The following BCAR3 variants were observed in gnomAD, a reference collection of about 807,000 sequenced individuals.
BCAR3 encodes BCAR3 adaptor protein, NSP family member, also known as breast cancer anti-estrogen resistance protein 3.
A neutral mutation model predicts 80.1 loss-of-function variants in BCAR3; 37 were observed. That is an observed-to-expected ratio of 0.46 (90% CI 0.36 to 0.61). The LOEUF (loss-of-function observed/expected upper bound fraction) is 0.61. Ranked by LOEUF, BCAR3 falls within the 20% of genes least tolerant of loss-of-function variation. The pLI, the probability that BCAR3 is intolerant of heterozygous loss-of-function variation, is 0.00. For missense variants in BCAR3, 978 were observed against 1,068.2 expected, an observed-to-expected ratio of 0.92 and a Z score of 1.18; for synonymous variants, 389 against 418.9, an observed-to-expected ratio of 0.93 and a Z score of 0.87.
intron 3 of BCAR3, among the ~76,000 whole-genome samples, chr1:93,640,389 T>G (rs1675940612): frequency 6.6e-6 from 1 of 150,756 alleles, no homozygotes; most frequent in African/African-American, 2.4e-5. Flanking sequence ...TCCCAAACCA[T>G]CCCTCTAAAC....
intron 2 of BCAR3, among the ~76,000 whole-genome samples, chr1:93,799,065 C>T (rs1488351310): frequency 6.6e-6 from 1 of 152,170 alleles, no homozygotes; most frequent in Non-Finnish European, 1.5e-5. Flanking sequence ...GAATGAAGTA[C>T]ATATATAGTC....
chr1:93,582,966 A>C lies in BCAR3; in HGVS notation c.1034-13T>G. On this transcript the variant is annotated splice_polypyrimidine_tract_variant and intron_variant, in intron 6 of 11. Transcript: ENST00000260502. ...GGCAGCTTGCAGCCTGTGGGGGATAAGAAAAGGTCAGAGAAAGCTCATCTG... is the reference window on the plus strand; with the variant it reads ...GGCAGCTTGCAGCCTGTGGGGGATACGAAAAGGTCAGAGAAAGCTCATCTG... 6.4e-7 allele frequency: 1 copy of C among 1,569,652 alleles called. No individual in the cohort carries two copies. The highest frequency in any genetic ancestry group is 8.6e-7 in the Non-Finnish European group (1 of 1,162,666).
intron 2 of BCAR3, among the ~76,000 whole-genome samples, chr1:93,717,569 A>C (rs1201567273): frequency 6.6e-6 from 1 of 152,024 alleles, no homozygotes; most frequent in Non-Finnish European, 1.5e-5. Flanking sequence ...TACTAAAAAT[A>C]CAAAAAAAAT....
chr1:93,589,081 C>A lies in BCAR3; in HGVS notation c.825G>T (p.Glu275Asp). The A allele has an allele frequency of 6.2e-7, 1 of 1,612,556 alleles. No individual in the cohort carries two copies. The highest frequency in any genetic ancestry group is 1.7e-4 in the Middle Eastern group (1 of 5,992). The change falls in exon 5 of 12, where the codon GAG (glutamate) becomes GAT (aspartate). Residue 275 changes from glutamate (E) to aspartate (D), a missense_variant. By Grantham distance (45) the Glu-to-Asp change is conservative (BLOSUM62 2). Coordinates refer to ENST00000260502, the MANE Select transcript of BCAR3 (RefSeq NM_003567.4). The stretch of plus-strand genomic sequence containing the variant: ...CCGGCCTTCCCTTGGTGAGGCTGCC[C>A]TCCCGGGCCTGGCCTGGGGAGGTGC... ...HYGTSPGQAR[E>D]GSLTKGRPDV...
intron 1 of BCAR3, among the ~76,000 whole-genome samples, chr1:93,679,482 A>G (rs755336432): frequency 1.3e-5 from 2 of 152,260 alleles, no homozygotes; most frequent in African/African-American, 2.4e-5. Flanking sequence ...AAGTGAGCCT[A>G]CATGCAGTCT....
chr1:93,830,657 G>A (rs937079600), intron 2 of BCAR3, among the ~76,000 whole-genome samples: 4 of 151,832 alleles, frequency 2.6e-5, no homozygotes, highest in Non-Finnish European at 4.4e-5. Context: ...CTCTCTTTTC[G>A]GACTCAGCCC....
intron 2 of BCAR3, among the ~76,000 whole-genome samples, chr1:93,657,359 A>G: frequency 6.6e-6 from 1 of 152,244 alleles, no homozygotes; most frequent in East Asian, 1.9e-4. Context: ...GTTTTACTAT[A>G]TAGCAAATTC....
chr1:93,673,879 C>G (rs1321943408), intron 2 of BCAR3, among the ~76,000 whole-genome samples: 1 of 152,162 alleles, frequency 6.6e-6, no homozygotes, highest in South Asian at 2.1e-4. Flanking sequence ...AGTGGATGGA[C>G]ATAGTTCAGA....
intron 3 of BCAR3, among the ~76,000 whole-genome samples, chr1:93,639,457 G>A (rs1429053467): frequency 6.6e-6 from 1 of 150,896 alleles, no homozygotes; most frequent in Non-Finnish European, 1.5e-5. Flanking sequence ...GAAAGTCTCC[G>A]ATGGGGAGGG....
chr1:93,565,925 C>A (rs578011602), intron 11 of BCAR3, among the ~76,000 whole-genome samples: 54 of 152,196 alleles, frequency 3.5e-4, no homozygotes, highest in Non-Finnish European at 7.3e-4. Flanking sequence ...GGAAAATAGT[C>A]ATCCTTGATG....
rs991195072 is a variant in BCAR3, at chr1:93,740,622, A to G, written c.-62-34480T>C. 6.6e-5 allele frequency among the ~76,000 whole-genome samples: 10 copies of G among 152,090 alleles called. No individual in the cohort carries two copies. The East Asian group carries it at 9.7e-4, about 15-fold the overall frequency. On this transcript the variant is annotated intron_variant, in intron 2 of 13. Coordinates refer to the BCAR3 transcript ENST00000370244. ...CTGCTTAGTACTCCCCTCACCCCACATGCTGGCCCCTGCTCCTTCCCGCCC... is the reference window on the plus strand; with the variant it reads ...CTGCTTAGTACTCCCCTCACCCCACGTGCTGGCCCCTGCTCCTTCCCGCCC...
chr1:93,698,065 G>A (rs1156518061), intron 3 of BCAR3, among the ~76,000 whole-genome samples: 1 of 152,212 alleles, frequency 6.6e-6, no homozygotes, highest in Non-Finnish European at 1.5e-5. Flanking sequence ...CCTACTGAAA[G>A]CCAGCTCTGC....
intron 3 of BCAR3, among the ~76,000 whole-genome samples, chr1:93,604,561 C>T (rs78988421): frequency 2.0e-5 from 3 of 152,226 alleles, no homozygotes; most frequent in African/African-American, 7.2e-5. Flanking sequence ...ACATGACAAA[C>T]TAATTACATT....
chr1:93,678,155 T>G (rs1384590494), intron 1 of BCAR3, among the ~76,000 whole-genome samples: 1 of 152,206 alleles, frequency 6.6e-6, no homozygotes, highest in Non-Finnish European at 1.5e-5. Context: ...AATGAGAATC[T>G]CTGTGGGCGG....
intron 2 of BCAR3, among the ~76,000 whole-genome samples, chr1:93,732,807 C>T (rs1650838718): frequency 6.6e-6 from 1 of 152,182 alleles, no homozygotes; most frequent in Non-Finnish European, 1.5e-5. Flanking sequence ...GATCTCCCCT[C>T]CTCTCAACCT....
At chr1:93,758,392 G>A (rs1378075307) in intron 2 of BCAR3, among the ~76,000 whole-genome samples, 1 of 152,230 alleles carries the variant, frequency 6.6e-6, no homozygotes, top group Non-Finnish European at 1.5e-5. Flanking sequence ...CTGCAGGGCA[G>A]ACCCAGTGTG....
intron 2 of BCAR3, among the ~76,000 whole-genome samples, chr1:93,755,104 T>C (rs1404583027): frequency 6.6e-6 from 1 of 152,080 alleles, no homozygotes; most frequent in Non-Finnish European, 1.5e-5. Flanking sequence ...GTAAAAAATT[T>C]TAAAAATAGA....
intron 2 of BCAR3, among the ~76,000 whole-genome samples, chr1:93,816,470 A>G (rs560158874): frequency 6.6e-6 from 1 of 152,088 alleles, no homozygotes; most frequent in African/African-American, 2.4e-5. Context: ...CAGGAGTTCG[A>G]GACTAGCCTG....
chr1:93,573,627 A>ATTTTTTTTTTTT (rs1274372630), intron 8 of BCAR3, among the ~76,000 whole-genome samples: 1 of 138,460 alleles, frequency 7.2e-6, no homozygotes, highest in African/African-American at 2.8e-5. Context: ...TATTATTATT[A>ATTTTTTTTTTTT]TTATTATTTT....
Sources: gnomAD v4.1 joint callset for allele counts (sites outside exome capture counted in the v4.1 genomes callset) on GRCh38, gnomAD v4.1.1 for gene constraint, MANE v1.5 for transcripts, NCBI Gene and HGNC (gene_info 2026-07-23, HGNC 2026-07-21) for gene names.